Variants in KIAA1217 observed in about 807,000 individuals in gnomAD.
The protein encoded by KIAA1217 is sickle tail protein homolog.
Under a neutral mutation model 163.9 loss-of-function variants are expected in KIAA1217, and 88 were observed. The ratio of observed to expected loss-of-function variants is 0.54; its 90% CI spans 0.45 to 0.64. KIAA1217 has a LOEUF of 0.64. KIAA1217 is among the 30% of genes least tolerant of loss of function. The probability of loss-of-function intolerance (pLI) is 0.00; values close to 1 mark genes in which losing one functional copy is unlikely to be tolerated. For synonymous variants in KIAA1217, 903 were observed against 923.1 expected (o/e 0.98, Z 0.39); for missense variants, 2,372 against 2,475.0 (o/e 0.96, Z 0.88).
chr10:23,905,257 A>C (rs1842112752), intron 1 of KIAA1217, among the ~76,000 whole-genome samples: 1 of 151,188 alleles, frequency 6.6e-6, no homozygotes, highest in Admixed American at 6.6e-5. Context: ...CCTGGATCAC[A>C]TGCACTATCT....
chr10:24,189,159 T>G (rs190123160), intron 2 of KIAA1217, among the ~76,000 whole-genome samples: 1 of 151,246 alleles, frequency 6.6e-6, no homozygotes, highest in African/African-American at 2.4e-5. Flanking sequence ...ACCTGGAATC[T>G]GGGGATGATG....
At chr10:24,385,335 C>T (rs2053864142) in intron 3 of KIAA1217, among the ~76,000 whole-genome samples, 1 of 152,194 alleles carries the variant, frequency 6.6e-6, no homozygotes, top group Non-Finnish European at 1.5e-5. Flanking sequence ...TGGTGCATTT[C>T]GCAAATGGTG....
At chr10:24,387,354 G>A (rs2054152671) in intron 3 of KIAA1217, among the ~76,000 whole-genome samples, 1 of 152,098 alleles carries the variant, frequency 6.6e-6, no homozygotes, top group African/African-American at 2.4e-5. Flanking sequence ...AGATTAAACA[G>A]CCTTCATGCT....
chr10:24,402,232 C>T (rs766271883), intron 3 of KIAA1217, among the ~76,000 whole-genome samples: 8 of 152,238 alleles, frequency 5.3e-5, no homozygotes, highest in African/African-American at 1.4e-4. Flanking sequence ...AGTGGTCAGG[C>T]GCAGTGACTC....
chr10:24,050,867 A>C (rs963783378), intron 2 of KIAA1217, among the ~76,000 whole-genome samples: 1 of 152,136 alleles, frequency 6.6e-6, no homozygotes, highest in East Asian at 1.9e-4. Context: ...AAAAAGCAAA[A>C]ACTGCTAGAA....
Position 24,035,576 on chromosome 10 carries a change from G to A in KIAA1217, c.-171+28202G>A, listed in dbSNP as rs16924237. ...TGAGGCAGAGTGTAGCTTCAGGGCC[G>A]ATTAGTATCACCAGCTCATGATGGA... On this transcript the variant is annotated intron_variant, in intron 2 of 18. Coordinates refer to the KIAA1217 transcript ENST00000376462. Among the ~76,000 whole-genome samples the A allele has an allele frequency of 8.8e-4, 134 of 152,284 alleles. 2 individuals carry two copies. The South Asian group carries it at 0.014, about 16-fold the overall frequency.
intron 2 of KIAA1217, among the ~76,000 whole-genome samples, chr10:24,193,981 G>A (rs2066857537): frequency 6.6e-6 from 1 of 152,150 alleles, no homozygotes; most frequent in South Asian, 2.1e-4. Flanking sequence ...GTGGTCAGAA[G>A]TTTGAGACCA....
chr10:24,331,683 G>A (rs1264480477), intron 2 of KIAA1217, among the ~76,000 whole-genome samples: 1 of 152,238 alleles, frequency 6.6e-6, no homozygotes, highest in African/African-American at 2.4e-5. Flanking sequence ...AGCCAGGAAA[G>A]CTCAGGCAGG....
intron 3 of KIAA1217, among the ~76,000 whole-genome samples, chr10:24,387,910 C>T (rs1034852473): frequency 4.6e-5 from 7 of 151,930 alleles, no homozygotes; most frequent in African/African-American, 1.5e-4. Context: ...AAAGAGGACA[C>T]AAACAAATGG....
At chr10:24,110,213 AC>A (rs1465124818) in intron 2 of KIAA1217, among the ~76,000 whole-genome samples, 1 of 152,188 alleles carries the variant, frequency 6.6e-6, no homozygotes, top group Admixed American at 6.5e-5. Context: ...CCGAAGACAA[AC>A]TAGTTGTACA....
At chr10:24,407,888 G>A (rs1230521150) in intron 3 of KIAA1217, among the ~76,000 whole-genome samples, 1 of 152,132 alleles carries the variant, frequency 6.6e-6, no homozygotes, top group Non-Finnish European at 1.5e-5. Flanking sequence ...AAAAAATAAA[G>A]AGGTTTCTGA....
At chr10:23,920,556 A>G (rs941431483) in intron 1 of KIAA1217, among the ~76,000 whole-genome samples, 1 of 152,234 alleles carries the variant, frequency 6.6e-6, no homozygotes, top group Non-Finnish European at 1.5e-5. Flanking sequence ...TACCAAGCTT[A>G]TAAGAATCTT....
At chr10:24,172,140 G>T (rs2065661682) in intron 2 of KIAA1217, among the ~76,000 whole-genome samples, 1 of 152,172 alleles carries the variant, frequency 6.6e-6, no homozygotes, top group Non-Finnish European at 1.5e-5. Context: ...GTACAGAAAA[G>T]AAGATAATAA....
chr10:23,825,408 A>T (rs1039628969), intron 1 of KIAA1217, among the ~76,000 whole-genome samples: 2 of 152,240 alleles, frequency 1.3e-5, no homozygotes, highest in African/African-American at 4.8e-5. Flanking sequence ...CTTAGAAGTT[A>T]CATTCTTGTT....
chr10:23,895,641 G>C (rs574494323), intron 1 of KIAA1217, among the ~76,000 whole-genome samples: 33 of 152,016 alleles, frequency 2.2e-4, no homozygotes, highest in African/African-American at 7.5e-4. Flanking sequence ...CCTATTACTG[G>C]GTATATACCC....
At chr10:24,048,029 T>G (rs1189963414) in intron 2 of KIAA1217, among the ~76,000 whole-genome samples, 2 of 152,248 alleles carry the variant, frequency 1.3e-5, no homozygotes, top group African/African-American at 4.8e-5. Flanking sequence ...GCAATGGATT[T>G]ATATTGATTA....
intron 2 of KIAA1217, among the ~76,000 whole-genome samples, chr10:24,276,354 T>C (rs1338554232): frequency 6.6e-6 from 1 of 152,078 alleles, no homozygotes; most frequent in Non-Finnish European, 1.5e-5. Context: ...TGACTTAGAA[T>C]TCCATCTCGT....
intron 20 of KIAA1217, 53 bp downstream of exon 20, chr10:24,545,156 T>C: frequency 6.2e-7 from 1 of 1,609,444 alleles, no homozygotes; most frequent in Admixed American, 1.7e-5. Context: ...GTTAAGCAAG[T>C]CACTGACTTA....
chr10:24,449,520 A>G, intron 5 of KIAA1217: 1 of 985,318 alleles, frequency 1.0e-6, no homozygotes, highest in Non-Finnish European at 1.2e-6. Flanking sequence ...CCTACTCAGA[A>G]TTAACTTTCA....
Sources: gnomAD v4.1 joint callset for allele counts (sites outside exome capture counted in the v4.1 genomes callset) on GRCh38, gnomAD v4.1.1 for gene constraint, MANE v1.5 for transcripts, NCBI Gene and HGNC (gene_info 2026-07-23, HGNC 2026-07-21) for gene names.